Variants in NOVA1 observed in about 807,000 individuals in gnomAD.
NOVA1 encodes RNA-binding protein Nova-1.
Under a neutral mutation model 38.0 loss-of-function variants are expected in NOVA1, and 7 were observed. The observed-to-expected ratio is 0.18, with a 90% CI of 0.10 to 0.35. NOVA1 has a LOEUF of 0.35. Among genes scored for constraint, NOVA1 ranks in the 10% least tolerant of loss-of-function variants. The pLI is 1.00. For synonymous variants in NOVA1, 270 were observed against 232.5 expected (o/e 1.16, Z -1.47); for missense variants, 460 against 616.0 (o/e 0.75, Z 2.68).
intron 2 of NOVA1, among the ~76,000 whole-genome samples, chr14:26,569,780 A>G (rs916614478): frequency 1.3e-5 from 2 of 152,216 alleles, no homozygotes; most frequent in African/African-American, 4.8e-5. Context: ...TTTCTAGTTG[A>G]AAAGAATCAG....
chr14:26,498,226 ATT>A (rs1303293493), intron 2 of NOVA1, among the ~76,000 whole-genome samples: 1 of 142,588 alleles, frequency 7.0e-6, no homozygotes. Context: ...CGCCCAGTTA[ATT>A]TTTTTTTTTT....
At chr14:26,592,928 CTT>C (rs1018701609) in intron 2 of NOVA1, 1 of 151,618 alleles carries the variant, frequency 6.6e-6, no homozygotes, top group Non-Finnish European at 1.5e-5. Flanking sequence ...TGCTTAAAAA[CTT>C]GGGTAATTTG....
At chr14:26,575,805 T>C (rs1254149702) in intron 2 of NOVA1, among the ~76,000 whole-genome samples, 5 of 152,090 alleles carry the variant, frequency 3.3e-5, no homozygotes, top group African/African-American at 1.2e-4. Flanking sequence ...ATTAAATCTA[T>C]AACAACTCAT....
chr14:26,451,783 C>G (rs968908042), intron 4 of NOVA1, among the ~76,000 whole-genome samples: 9 of 152,114 alleles, frequency 5.9e-5, no homozygotes, highest in African/African-American at 2.2e-4. Context: ...CAATGTCTAT[C>G]TTTATATTAA....
chr14:26,525,330 T>C (rs1889221205), intron 2 of NOVA1, among the ~76,000 whole-genome samples: 1 of 152,154 alleles, frequency 6.6e-6, no homozygotes, highest in African/African-American at 2.4e-5. Flanking sequence ...TCTGCCAACT[T>C]TTCCTCCACT....
intron 2 of NOVA1, chr14:26,593,107 T>C (rs967078514): frequency 2.6e-5 from 4 of 151,816 alleles, no homozygotes; most frequent in African/African-American, 7.2e-5. Flanking sequence ...ACTTCATATA[T>C]GTATGAAAGA....
intron 2 of NOVA1, among the ~76,000 whole-genome samples, chr14:26,562,462 A>T (rs1891885865): frequency 6.6e-6 from 1 of 152,190 alleles, no homozygotes; most frequent in Admixed American, 6.5e-5. Context: ...AGATGAGCAC[A>T]CATATTAAAC....
chr14:26,473,694 C>G (rs981498744), intron 3 of NOVA1, among the ~76,000 whole-genome samples: 4 of 151,880 alleles, frequency 2.6e-5, no homozygotes, highest in South Asian at 2.1e-4. Context: ...ACTACTGTTT[C>G]TAACATCATA....
At chr14:26,485,244 T>G (rs1032085275) in intron 2 of NOVA1, among the ~76,000 whole-genome samples, 5 of 152,112 alleles carry the variant, frequency 3.3e-5, no homozygotes, top group Non-Finnish European at 7.4e-5. Context: ...ATTTCTTGTC[T>G]GTATTTTGAA....
chr14:26,554,137 AAAAAG>A (rs1891333717), intron 2 of NOVA1, among the ~76,000 whole-genome samples: 1 of 148,936 alleles, frequency 6.7e-6, no homozygotes, highest in Non-Finnish European at 1.5e-5. Flanking sequence ...TGAAAAAAAA[AAAAAG>A]AAAGAAAAGG....
chr14:26,504,849 G>A (rs1887512611), intron 2 of NOVA1, among the ~76,000 whole-genome samples: 1 of 152,098 alleles, frequency 6.6e-6, no homozygotes, highest in South Asian at 2.1e-4. Context: ...AACTGAGAGA[G>A]GGTTTCTAGA....
At chr14:26,547,673 G>A (rs1362197983) in intron 2 of NOVA1, among the ~76,000 whole-genome samples, 2 of 151,992 alleles carry the variant, frequency 1.3e-5, no homozygotes, top group Non-Finnish European at 2.9e-5. Flanking sequence ...GTCAAATACT[G>A]ATGACTTCAG....
rs1889173718 is a variant in NOVA1, at chr14:26,524,714, G to A, written c.281-44571C>T. Among the ~76,000 whole-genome samples, 3 of 152,230 alleles carry A rather than the reference G, an allele frequency of 2.0e-5. No homozygotes were observed. The South Asian group carries it at 6.2e-4, about 32-fold the overall frequency. ...CCATGCAAAATGTGAAGGAGTCAATGATGTGAAGATTTTCTCTTTAATGTG... is the reference window on the plus strand; with the variant it reads ...CCATGCAAAATGTGAAGGAGTCAATAATGTGAAGATTTTCTCTTTAATGTG... On this transcript the variant is annotated intron_variant, in intron 2 of 4. Transcript: ENST00000539517.
chr14:26,450,178 T>C (rs1415968155), intron 4 of NOVA1, among the ~76,000 whole-genome samples: 1 of 152,174 alleles, frequency 6.6e-6, no homozygotes, highest in Non-Finnish European at 1.5e-5. Context: ...ATTTAGTTGT[T>C]TGAGGTATTC....
intron 2 of NOVA1, among the ~76,000 whole-genome samples, chr14:26,559,748 G>C (rs1359724141): frequency 6.6e-6 from 1 of 152,098 alleles, no homozygotes; most frequent in Non-Finnish European, 1.5e-5. Flanking sequence ...GGGTTGAGTG[G>C]AGGGATAAAA....
intron 2 of NOVA1, among the ~76,000 whole-genome samples, chr14:26,531,742 TC>T (rs1271076419): frequency 1.3e-5 from 2 of 152,092 alleles, no homozygotes; most frequent in African/African-American, 4.8e-5. Context: ...AAATTTCTGC[TC>T]CTGGAAGGAC....
chr14:26,478,491 C>CT (rs1159040753), intron 3 of NOVA1, among the ~76,000 whole-genome samples: 2 of 151,856 alleles, frequency 1.3e-5, no homozygotes, highest in African/African-American at 4.8e-5. Context: ...GCCAATAGAC[C>CT]TTATACTTCA....
intron 2 of NOVA1, among the ~76,000 whole-genome samples, chr14:26,489,403 A>G (rs547533231): frequency 2.0e-5 from 3 of 152,260 alleles, no homozygotes; most frequent in African/African-American, 7.2e-5. Context: ...GGTAGGATAA[A>G]GAATTTTGAC....
chr14:26,459,038 T>TA (rs1320582802), intron 4 of NOVA1, among the ~76,000 whole-genome samples: 2 of 152,056 alleles, frequency 1.3e-5, no homozygotes, highest in Non-Finnish European at 2.9e-5. Flanking sequence ...ACAGTGTTGA[T>TA]AAAGTCTACA....
Sources: allele counts gnomAD v4.1 joint callset (sites outside exome capture counted in the v4.1 genomes callset), GRCh38; gene constraint gnomAD v4.1.1; transcripts MANE v1.5; gene names NCBI Gene and HGNC (gene_info 2026-07-23, HGNC 2026-07-21).